Variants in CAGE1 observed in about 807,000 individuals in gnomAD.
CAGE1 encodes the protein cancer antigen 1, also known as cancer-associated gene 1 protein.
Under a neutral mutation model 94.9 loss-of-function variants are expected in CAGE1, and 66 were observed. That is an observed-to-expected ratio of 0.70 (90% CI 0.57 to 0.85). CAGE1 has a LOEUF of 0.85. Ranked by LOEUF, CAGE1 falls within the 40% of genes least tolerant of loss-of-function variation. The pLI is 0.00. For synonymous variants in CAGE1, 319 were observed against 321.0 expected, an observed-to-expected ratio of 0.99 and a Z score of 0.07; for missense variants, 865 against 950.4, an observed-to-expected ratio of 0.91 and a Z score of 1.18.
chr6:7,382,962 G>A (rs1034933641), intron 3 of CAGE1, among the ~76,000 whole-genome samples: 3 of 152,116 alleles, frequency 2.0e-5, no homozygotes, highest in Non-Finnish European at 4.4e-5. Context: ...CATTTGATAT[G>A]GTTTGGCTCT....
intron 10 of CAGE1, 106 bp downstream of exon 10, chr6:7,355,919 G>A: frequency 1.6e-6 from 1 of 634,538 alleles, no homozygotes; most frequent in South Asian, 1.9e-5. Context: ...AAGGAGGCTT[G>A]CTTGAGCCCA....
At chr6:7,376,421 TAAATAAATAAATA>T (rs1760746236) in intron 4 of CAGE1, among the ~76,000 whole-genome samples, 1 of 149,068 alleles carries the variant, frequency 6.7e-6, no homozygotes, top group African/African-American at 2.4e-5. Flanking sequence ...AATAAATAAA[TAAATAAATAAATA>T]AAATAAAAGT....
At chr6:7,358,687 T>A (rs1210583854) in intron 9 of CAGE1, among the ~76,000 whole-genome samples, 1 of 152,100 alleles carries the variant, frequency 6.6e-6, no homozygotes, top group Non-Finnish European at 1.5e-5. Context: ...CAAAAAAAAT[T>A]TTTTTTAATT....
chr6:7,385,990 T>C (rs928531683), intron 2 of CAGE1, 118 bp from the exon 3 acceptor site: 4 of 524,948 alleles, frequency 7.6e-6, no homozygotes, highest in African/African-American at 5.9e-5. Flanking sequence ...AGGTAGAATG[T>C]GCTTTCTAGT....
At position 7,342,047 on chromosome 6, in the gene CAGE1, C is replaced by T. The variant is rs945839612; in HGVS notation, c.2370-7957G>A. ...TTATGATATTTGTCTTTTTGGTAGGCATTGTAGTCCTGGAAGCTCGACTAA... is the reference window on the plus strand; with the variant it reads ...TTATGATATTTGTCTTTTTGGTAGGTATTGTAGTCCTGGAAGCTCGACTAA... On this transcript the variant is annotated intron_variant, in intron 11 of 13. Transcript: ENST00000502583. The T allele has an allele frequency of 1.5e-5, 13 of 879,816 alleles. No individual in the cohort carries two copies. The African/African-American group carries it at 1.8e-4, about 12-fold the overall frequency. 54.5% of individuals were successfully genotyped at this position (879,816 alleles called of 1,614,324 possible). A position where few individuals can be genotyped will look rare whatever the true frequency, so the allele number is the denominator to read the frequency against.
At chr6:7,341,371 T>C in intron 11 of CAGE1, 1 of 783,860 alleles carries the variant, frequency 1.3e-6, no homozygotes, top group Non-Finnish European at 2.2e-6. Context: ...TCAGGCAGAC[T>C]TTTCATGCTT....
At chr6:7,334,446 T>C (rs1758878759) in intron 11 of CAGE1, among the ~76,000 whole-genome samples, 1 of 152,106 alleles carries the variant, frequency 6.6e-6, no homozygotes, top group South Asian at 2.1e-4. Flanking sequence ...ACAAAACTCC[T>C]GGCTAGACAT....
At position 7,328,934 on chromosome 6, in the gene CAGE1, A is replaced by ATTTTTTT. The variant is rs869241612; in HGVS notation, c.2478+908_2478+914dup. On this transcript the variant is annotated intron_variant, in intron 13 of 13. Coordinates refer to ENST00000502583, the MANE Select transcript of CAGE1 (RefSeq NM_001170692.2). ...TGTGTGTGTGTATATATATATATATATTTTTTTTTTTTTTTGAGATAGAGT... is the reference window on the plus strand; with the variant it reads ...TGTGTGTGTGTATATATATATATATATTTTTTTTTTTTTTTTTTTTTTGAGATAGAGT... Among the ~76,000 whole-genome samples, 429 of 106,778 alleles carry ATTTTTTT rather than the reference A, an allele frequency of 4.0e-3. 11 individuals carry two copies. Among genetic ancestry groups the ATTTTTTT allele is most frequent in the African/African-American group, 0.013 (331 of 24,726 alleles). The allele number at this position is 106,778 out of a possible 152,430, so 70.1% of individuals were successfully genotyped here.
chr6:7,377,999 G>A (rs1760812880), intron 4 of CAGE1, among the ~76,000 whole-genome samples: 1 of 152,132 alleles, frequency 6.6e-6, no homozygotes, highest in African/African-American at 2.4e-5. Flanking sequence ...ATATGACAGA[G>A]AAATCTTGTT....
At chr6:7,332,100 CT>C (rs1383167253) in intron 12 of CAGE1, among the ~76,000 whole-genome samples, 1 of 152,158 alleles carries the variant, frequency 6.6e-6, no homozygotes, top group African/African-American at 2.4e-5. Flanking sequence ...AGGGCTTCTC[CT>C]CCCCATCTAT....
chr6:7,335,654 A>C lies in CAGE1; in HGVS notation c.2370-1564T>G, dbSNP rs2065709338. ...GAATATAGTGGTGCAATCACAGCTC[A>C]CTGCAGCCTCAAACTCCCGGGCTGA... On this transcript the variant is annotated intron_variant, in intron 11 of 13. Coordinates refer to ENST00000502583, the MANE Select transcript of CAGE1 (RefSeq NM_001170692.2). Among the ~76,000 whole-genome samples, 3 of 152,216 alleles carry C rather than the reference A, an allele frequency of 2.0e-5. 1 individual carries two copies. Among genetic ancestry groups the C allele is most frequent in the Non-Finnish European group, 4.4e-5 (3 of 68,038 alleles).
chr6:7,337,959 C>T (rs1759021984), intron 11 of CAGE1, among the ~76,000 whole-genome samples: 1 of 152,204 alleles, frequency 6.6e-6, no homozygotes, highest in Admixed American at 6.5e-5. Flanking sequence ...AAGAGATATA[C>T]CTCTCCATTT....
intron 7 of CAGE1, among the ~76,000 whole-genome samples, chr6:7,368,352 T>A (rs1760423421): frequency 2.0e-5 from 3 of 152,002 alleles, no homozygotes; most frequent in East Asian, 3.9e-4. Context: ...AAAATTATTT[T>A]CAATGTTTCT....
Position 7,373,789 on chromosome 6 carries a change from T to C in CAGE1, c.1030A>G (p.Ile344Val). Reference sequence around the variant, plus strand: ...TCAATGAACACTTGCTGTTTGGTAATCTTCATCTGTAGTTCTTTAACCCTC... The same window carrying C: ...TCAATGAACACTTGCTGTTTGGTAACCTTCATCTGTAGTTCTTTAACCCTC... ...EKRVKELQMK[I>V]TKQQVFIDVI... Residue 344 changes from isoleucine to valine, a missense_variant, in exon 5 of 14, where the codon ATT becomes GTT. Transcript: ENST00000502583. 2 of 1,613,916 alleles carry C rather than the reference T, an allele frequency of 1.2e-6. No individual in the cohort carries two copies. The highest frequency in any genetic ancestry group is 1.7e-6 in the Non-Finnish European group (2 of 1,179,814).
chr6:7,373,959 G>C lies in CAGE1; in HGVS notation c.860C>G (p.Pro287Arg). ...GCTTTCAGCACTTTGCTCCCAGTCAGGCATCTCACAGTTCTCCCGACATGC... is the reference window on the plus strand; with the variant it reads ...GCTTTCAGCACTTTGCTCCCAGTCACGCATCTCACAGTTCTCCCGACATGC... Reference protein sequence around the residue: ...SEACRENCEMPDWEQSAESLQ... With the variant: ...SEACRENCEMRDWEQSAESLQ... The change falls in exon 5 of 14, where the codon CCT (proline) becomes CGT (arginine). Residue 287 changes from proline (P) to arginine (R), a missense_variant. Physicochemically the swap from Pro to Arg is moderately radical, Grantham distance 103. Coordinates refer to ENST00000502583, the MANE Select transcript of CAGE1 (RefSeq NM_001170692.2). 1 of 1,614,008 alleles carries C rather than the reference G, an allele frequency of 6.2e-7. No homozygotes were observed. The highest frequency in any genetic ancestry group is 8.5e-7 in the Non-Finnish European group (1 of 1,179,904).
intron 12 of CAGE1, among the ~76,000 whole-genome samples, chr6:7,333,634 CTAACTATCTATATATA>C (rs1371051366): frequency 1.3e-4 from 5 of 39,604 alleles, no homozygotes; most frequent in African/African-American, 4.6e-4. Flanking sequence ...AACTATCTAT[CTAACTATCTATATATA>C]TATATATATA....
chr6:7,378,444 T>G (rs1681259212), intron 4 of CAGE1, among the ~76,000 whole-genome samples, 173 bp downstream of exon 4: 1 of 151,150 alleles, frequency 6.6e-6, no homozygotes, highest in Admixed American at 6.6e-5. Context: ...CTTGGAAAAG[T>G]CTCAGATTAT....
At chr6:7,331,081 A>T (rs1758732635) in intron 12 of CAGE1, among the ~76,000 whole-genome samples, 1 of 152,142 alleles carries the variant, frequency 6.6e-6, no homozygotes, top group African/African-American at 2.4e-5. Flanking sequence ...GTCATAGTTA[A>T]CCTATCACTT....
chr6:7,346,060 A>C (rs900609243), intron 11 of CAGE1, among the ~76,000 whole-genome samples: 4 of 152,096 alleles, frequency 2.6e-5, no homozygotes, highest in African/African-American at 9.7e-5. Flanking sequence ...GTATTTGATA[A>C]TTTTTTTTAA....
Sources: allele counts gnomAD v4.1 joint callset (sites outside exome capture counted in the v4.1 genomes callset), GRCh38; gene constraint gnomAD v4.1.1; transcripts MANE v1.5; gene names NCBI Gene and HGNC (gene_info 2026-07-23, HGNC 2026-07-21).